LRRC7: variants seen among roughly 807,000 people sequenced by gnomAD.
The protein encoded by LRRC7 is leucine rich repeat containing 7, also known as leucine-rich repeat-containing protein 7.
In LRRC7, 23 loss-of-function variants were observed where a neutral mutation model predicts 175.7. The ratio of observed to expected loss-of-function variants is 0.13; its 90% CI spans 0.09 to 0.19. The LOEUF is 0.19. LRRC7 is among the 10% of genes least tolerant of loss of function. LRRC7 has a pLI of 1.00. For synonymous variants in LRRC7, 685 were observed against 680.9 expected (o/e 1.01, Z -0.09); for missense variants, 1,354 against 1,904.7 (o/e 0.71, Z 5.38).
intron 7 of LRRC7, among the ~76,000 whole-genome samples, chr1:69,908,898 G>T (rs1185763290): frequency 2.0e-5 from 3 of 151,162 alleles, no homozygotes; most frequent in Admixed American, 6.6e-5. Context: ...TTATTGTGTG[G>T]GAGTCTAAGT....
chr1:69,860,998 T>G (rs984902585), intron 7 of LRRC7, among the ~76,000 whole-genome samples: 6 of 152,010 alleles, frequency 3.9e-5, no homozygotes, highest in Non-Finnish European at 8.8e-5. Flanking sequence ...TTTGGGTCAC[T>G]TGAGGCTCAG....
intron 25 of LRRC7, among the ~76,000 whole-genome samples, chr1:70,098,091 G>C (rs1218726730): frequency 6.6e-6 from 1 of 151,930 alleles, no homozygotes; most frequent in African/African-American, 2.4e-5. Flanking sequence ...GTGTAAAAGT[G>C]TTCCTATTTC....
At chr1:69,623,246 A>G (rs758017256) in intron 1 of LRRC7, among the ~76,000 whole-genome samples, 2 of 152,182 alleles carry the variant, frequency 1.3e-5, no homozygotes, top group Non-Finnish European at 2.9e-5. Context: ...TTAAAATTGA[A>G]TTGACTTAAA....
At chr1:69,852,159 C>T (rs577833155) in intron 7 of LRRC7, among the ~76,000 whole-genome samples, 4 of 151,958 alleles carry the variant, frequency 2.6e-5, no homozygotes, top group Admixed American at 6.6e-5. Flanking sequence ...GCACATTTCT[C>T]GATGGGAGCA....
intron 22 of LRRC7, among the ~76,000 whole-genome samples, chr1:70,048,465 G>T (rs968074636): frequency 2.0e-5 from 3 of 152,014 alleles, no homozygotes; most frequent in African/African-American, 7.2e-5. Flanking sequence ...ATCTGCTTCT[G>T]CCTGGTGCCC....
At chr1:69,989,139 G>C (rs1021677226) in intron 10 of LRRC7, among the ~76,000 whole-genome samples, 1 of 151,980 alleles carries the variant, frequency 6.6e-6, no homozygotes, top group Non-Finnish European at 1.5e-5. Context: ...CAAATAATAA[G>C]ACTTATCTAA....
At chr1:69,695,456 C>A (rs1234093412) in intron 2 of LRRC7, among the ~76,000 whole-genome samples, 2 of 152,092 alleles carry the variant, frequency 1.3e-5, no homozygotes, top group Non-Finnish European at 2.9e-5. Context: ...CACAGCCTGG[C>A]CATGTGATAG....
At chr1:69,980,652 C>A (rs1321699236) in intron 9 of LRRC7, among the ~76,000 whole-genome samples, 199 bp downstream of exon 9, 1 of 151,662 alleles carries the variant, frequency 6.6e-6, no homozygotes, top group Non-Finnish European at 1.5e-5. Flanking sequence ...TATAGGTATA[C>A]AAAACGTAAG....
chr1:69,887,869 A>G lies in LRRC7; in HGVS notation c.648-43638A>G, dbSNP rs574502755. Among the ~76,000 whole-genome samples, 231 of 146,516 alleles carry G rather than the reference A, an allele frequency of 1.6e-3. 2 individuals carry two copies. The highest frequency in any genetic ancestry group is 5.6e-3 in the African/African-American group (210 of 37,812). ...CCCTCAGCTGCAGGTCTGTTGGAAT[A>G]CCCTGCTGTGTGAGGTGTCAGTGTG... is the stretch of plus-strand genomic sequence containing the variant. On this transcript the variant is annotated intron_variant, in intron 7 of 26. Coordinates refer to ENST00000651989, the MANE Select transcript of LRRC7 (RefSeq NM_001370785.2).
chr1:69,762,070 G>T (rs1193265353), intron 3 of LRRC7, among the ~76,000 whole-genome samples: 1 of 151,718 alleles, frequency 6.6e-6, no homozygotes, highest in Non-Finnish European at 1.5e-5. Context: ...TTTTGTATGG[G>T]ATACATTTAC....
intron 7 of LRRC7, among the ~76,000 whole-genome samples, chr1:69,852,263 G>A (rs769873461): frequency 6.6e-5 from 10 of 151,920 alleles, no homozygotes; most frequent in African/African-American, 2.2e-4. Flanking sequence ...TTATTCATTC[G>A]TCTTTATTTT....
intron 8 of LRRC7, among the ~76,000 whole-genome samples, chr1:69,968,980 G>A (rs1651946384): frequency 6.6e-6 from 1 of 151,758 alleles, no homozygotes; most frequent in Admixed American, 6.6e-5. Context: ...CACCACACCT[G>A]GCTGGTTTTT....
chr1:70,047,597 A>T (rs1439853819), intron 22 of LRRC7, among the ~76,000 whole-genome samples: 1 of 152,158 alleles, frequency 6.6e-6, no homozygotes, highest in Non-Finnish European at 1.5e-5. Context: ...CATAGTGAAT[A>T]TTTATATGAA....
At chr1:69,935,845 T>C (rs1288729921) in intron 8 of LRRC7, among the ~76,000 whole-genome samples, 1 of 152,182 alleles carries the variant, frequency 6.6e-6, no homozygotes, top group African/African-American at 2.4e-5. Flanking sequence ...GTATAGTTTT[T>C]TGTGGGTAGC....
intron 7 of LRRC7, among the ~76,000 whole-genome samples, chr1:69,850,413 C>A (rs1414432969): frequency 6.6e-6 from 1 of 152,062 alleles, no homozygotes; most frequent in Admixed American, 6.6e-5. Flanking sequence ...ATGGAGACTT[C>A]GAGCAAAGGA....
At chr1:69,736,398 T>C (rs1379012231) in intron 2 of LRRC7, among the ~76,000 whole-genome samples, 1 of 152,100 alleles carries the variant, frequency 6.6e-6, no homozygotes, top group Non-Finnish European at 1.5e-5. Context: ...TTTTTAGCTT[T>C]TTACACAAAT....
intron 1 of LRRC7, among the ~76,000 whole-genome samples, chr1:69,644,320 T>C (rs1048344196): frequency 6.6e-6 from 1 of 152,096 alleles, no homozygotes; most frequent in African/African-American, 2.4e-5. Flanking sequence ...TTTTGCTTCG[T>C]ACATTTAGAA....
intron 18 of LRRC7, among the ~76,000 whole-genome samples, chr1:70,033,176 T>C (rs918432315): frequency 6.6e-6 from 1 of 152,200 alleles, no homozygotes; most frequent in Non-Finnish European, 1.5e-5. Context: ...ACATAGATCT[T>C]TGAGTAGCGC....
chr1:70,030,662 T>C (rs1275515793), intron 18 of LRRC7, among the ~76,000 whole-genome samples: 4 of 152,146 alleles, frequency 2.6e-5, no homozygotes, highest in Non-Finnish European at 5.9e-5. Context: ...TGGAAGAGGG[T>C]ATTATACACT....
Sources: gnomAD v4.1 joint callset for allele counts (sites outside exome capture counted in the v4.1 genomes callset) on GRCh38, gnomAD v4.1.1 for gene constraint, MANE v1.5 for transcripts, NCBI Gene and HGNC (gene_info 2026-07-23, HGNC 2026-07-21) for gene names.